Variants in PER2 observed in about 807,000 individuals in gnomAD.
The protein encoded by PER2 is period circadian protein homolog 2.
Under a neutral mutation model 121.0 loss-of-function variants are expected in PER2, and 66 were observed. That is an observed-to-expected ratio of 0.55 (90% CI 0.45 to 0.67). The LOEUF (loss-of-function observed/expected upper bound fraction) is 0.67. Ranked by LOEUF, PER2 falls within the 30% of genes least tolerant of loss-of-function variation. The pLI is 0.00. For missense variants in PER2, 1,521 were observed against 1,635.0 expected, an observed-to-expected ratio of 0.93 and a Z score of 1.20; for synonymous variants, 684 against 659.9, an observed-to-expected ratio of 1.04 and a Z score of -0.56.
rs187828942 is a variant in PER2, at chr2:238,245,389, T to C, written c.*986A>G. The C allele has an allele frequency of 4.6e-5, 18 of 392,342 alleles. No individual in the cohort carries two copies. The South Asian group carries it at 1.0e-3, about 22-fold the overall frequency. 24.3% of individuals were successfully genotyped at this position (392,342 alleles called of 1,614,324 possible). On this transcript the variant is annotated 3_prime_UTR_variant, in exon 23 of 23. Coordinates refer to ENST00000254657, the MANE Select transcript of PER2 (RefSeq NM_022817.3). ...GGGAGAGGTGAGCTCACTGCACCCC[T>C]GAAAATACAGATGCAGTCGCAAGCT...
rs559687292 is a variant in PER2 at position 238,257,468 on chromosome 2, C to T, written c.1901-382G>A. On this transcript the variant is annotated intron_variant, in intron 16 of 22. Transcript: ENST00000254657. ...GGAGCCAACCATAATCCGGGATACC[C>T]TGTTTCTTTCTTTTTTCTTTTTTGA... is the stretch of plus-strand genomic sequence containing the variant. 5.1e-4 allele frequency among the ~76,000 whole-genome samples: 78 copies of T among 152,190 alleles called. 2 individuals are homozygous for T. The South Asian group carries it at 0.014, about 28-fold the overall frequency.
intron 6 of PER2, among the ~76,000 whole-genome samples, chr2:238,270,397 ATC>A: frequency 6.6e-6 from 1 of 152,092 alleles, no homozygotes; most frequent in East Asian, 1.9e-4. Context: ...AAAAACAGAA[ATC>A]TCTGCTTTCG....
At chr2:238,257,504 C>T (rs1210389104) in intron 16 of PER2, among the ~76,000 whole-genome samples, 1 of 152,152 alleles carries the variant, frequency 6.6e-6, no homozygotes, top group Non-Finnish European at 1.5e-5. Flanking sequence ...GATGGAGTCT[C>T]GCTCTGTCAC....
At chr2:238,298,252 T>G in the PER2 span, 1 of 152,266 alleles carries the variant, frequency 6.6e-6, no homozygotes, top group African/African-American at 2.4e-5. Flanking sequence ...GCCAGGATGG[T>G]CTCGATCTCC....
chr2:238,248,954 C>T, intron 22 of PER2, 108 bp downstream of exon 22: 2 of 1,280,776 alleles, frequency 1.6e-6, no homozygotes, highest in Non-Finnish European at 2.3e-6. Flanking sequence ...CGCGCCCGGC[C>T]TAATTTTAGA....
chr2:238,267,777 C>A (rs1332147284), intron 8 of PER2, among the ~76,000 whole-genome samples: 1 of 152,128 alleles, frequency 6.6e-6, no homozygotes, highest in Non-Finnish European at 1.5e-5. Context: ...AAAGGCAGAG[C>A]AGCCAGGGAA....
intron 12 of PER2, chr2:238,261,395 G>T (rs1331466199): frequency 4.8e-6 from 2 of 415,100 alleles, no homozygotes; most frequent in African/African-American, 4.0e-5. Flanking sequence ...AAGTCCCACT[G>T]CTCTGGATTA....
At chr2:238,272,485 A>T (rs372786492) in intron 5 of PER2, among the ~76,000 whole-genome samples, 6 of 152,208 alleles carry the variant, frequency 3.9e-5, no homozygotes, top group East Asian at 1.9e-4. Flanking sequence ...GTTACGCTGG[A>T]GGAAGAAGAT....
chr2:238,251,971 C>T (rs190339063), intron 19 of PER2, among the ~76,000 whole-genome samples: 6 of 152,110 alleles, frequency 3.9e-5, no homozygotes, highest in Admixed American at 2.0e-4. Flanking sequence ...CTATGGATGC[C>T]GTCTAGTTAC....
At chr2:238,280,627 T>A (rs10178795) in intron 1 of PER2, among the ~76,000 whole-genome samples, 1 of 152,048 alleles carries the variant, frequency 6.6e-6, no homozygotes, top group South Asian at 2.1e-4. Context: ...AGAAAATGGC[T>A]TCAGTGATAG....
chr2:238,292,012 G>C (rs983113081), upstream of PER2, among the ~76,000 whole-genome samples: 4 of 152,192 alleles, frequency 2.6e-5, no homozygotes, highest in Non-Finnish European at 4.4e-5. Context: ...AAACAAGAAA[G>C]CCAGGCATGA....
rs371163217 is a variant in PER2, at chr2:238,273,075, T to C, written c.565A>G (p.Asn189Asp). ...ESVTSEHIVK[N>D]ADMFAVAVSL... ...CTTTGCGGAAAGAGGCTTACGGCAT[T>C]CTTCACAATGTGCTCAGAGGTAACG... Residue 189 changes from asparagine (N) to aspartate (D), a missense_variant, in exon 5 of 23, where the codon AAT becomes GAT. Coordinates refer to ENST00000254657, the MANE Select transcript of PER2 (RefSeq NM_022817.3). 8.7e-6 allele frequency: 14 copies of C among 1,614,026 alleles called. No individual in the cohort carries two copies. In the African/African-American group the frequency reaches 9.3e-5, roughly 11 times the overall value.
the PER2 span, chr2:238,295,292 TTTCTCC>T: frequency 0.28 from 42,056 of 149,418 alleles, 6,244 homozygotes; most frequent in East Asian, 0.35. Flanking sequence ...CTTCTTCTTC[TTTCTCC>T]TTCTCCTTCT....
rs193295708 is a variant in PER2, at chr2:238,277,685, T to C, written c.230+22A>G. On this transcript the variant is annotated intron_variant, in intron 2 of 22. Transcript: ENST00000254657. The stretch of plus-strand genomic sequence containing the variant: ...GAGAAAACAACCTGCCCAGCCTCCA[T>C]CTGGCCAGAGGCTGAACTCACCTCT... The C allele has an allele frequency of 4.3e-6, 7 of 1,613,486 alleles. No individual in the cohort carries two copies. The Admixed American group carries it at 6.7e-5, about 15-fold the overall frequency.
At chr2:238,269,206 T>G (rs1424112073) in intron 6 of PER2, among the ~76,000 whole-genome samples, 3 of 152,230 alleles carry the variant, frequency 2.0e-5, no homozygotes, top group Non-Finnish European at 4.4e-5. Context: ...AGTGCTAAAA[T>G]TTTAGCACCA....
rs1223923989 is a variant in PER2 at position 238,268,727 on chromosome 2, A to G, written c.824+196T>C. Among the ~76,000 whole-genome samples the G allele has an allele frequency of 6.6e-6, 1 of 152,130 alleles. No individual in the cohort carries two copies. Among genetic ancestry groups the G allele is most frequent in the Non-Finnish European group, 1.5e-5 (1 of 68,026 alleles). On this transcript the variant is annotated intron_variant, in intron 7 of 22. Transcript: ENST00000254657. The surrounding 1 kb of genome is among the most constrained non-coding windows in gnomAD (Gnocchi z 4.0). ...AGGTCCATGAGGGGCAGGTTAAAGCACTCCACTGCTGGCCGCATTCTTAGC... is the reference window on the plus strand; with the variant it reads ...AGGTCCATGAGGGGCAGGTTAAAGCGCTCCACTGCTGGCCGCATTCTTAGC...
chr2:238,277,673 GCCCA>G (rs2106325021), intron 2 of PER2, 30 bp downstream of exon 2: 1 of 1,612,268 alleles, frequency 6.2e-7, no homozygotes, highest in East Asian at 2.2e-5. Flanking sequence ...AAAACAACCT[GCCCA>G]GCCTCCATCT....
At chr2:238,251,503 T>G (rs1216420613) in intron 20 of PER2, 96 bp downstream of exon 20, 1 of 1,127,988 alleles carries the variant, frequency 8.9e-7, no homozygotes, top group East Asian at 2.3e-5. Context: ...GTGCCGGTGA[T>G]CCCTGTTCTG....
At chr2:238,270,003 G>T (rs1198912360) in intron 6 of PER2, among the ~76,000 whole-genome samples, 1 of 152,236 alleles carries the variant, frequency 6.6e-6, no homozygotes, top group Non-Finnish European at 1.5e-5. Context: ...GGGTCTGGGG[G>T]AATGGCAAGA....
Sources: gnomAD v4.1 joint callset for allele counts (sites outside exome capture counted in the v4.1 genomes callset) on GRCh38, gnomAD v4.1.1 for gene constraint, Gnocchi (gnomAD v3.1) non-coding constraint, MANE v1.5 for transcripts, NCBI Gene and HGNC (gene_info 2026-07-23, HGNC 2026-07-21) for gene names.